Variants in LCT observed in about 807,000 individuals in gnomAD.
LCT encodes lactase.
LCT carries 90 observed loss-of-function variants against 173.0 expected under a neutral mutation model. That is an observed-to-expected ratio of 0.52 (90% confidence interval 0.44 to 0.62). The LOEUF is 0.62. Ranked by LOEUF, LCT falls within the 20% of genes least tolerant of loss-of-function variation. The pLI, the probability that LCT is intolerant of heterozygous loss-of-function variation, is 0.00. For missense variants in LCT, 1,864 were observed against 2,431.4 expected, an observed-to-expected ratio of 0.77 and a Z score of 4.91; for synonymous variants, 853 against 957.6, an observed-to-expected ratio of 0.89 and a Z score of 2.02.
chr2:135,811,418 T>A (rs541174873), intron 7 of LCT, among the ~76,000 whole-genome samples: 2 of 152,198 alleles, frequency 1.3e-5, no homozygotes, highest in African/African-American at 4.8e-5. Flanking sequence ...TGAGATGAAA[T>A]CTATTTGCCA....
rs1223129416 is a variant in LCT, at chr2:135,804,904, C to G, written c.4327G>C (p.Gly1443Arg). ...AEDLVTLQNL[G>R]VSHYRFSISW... ...ATGGAAAAACGGTAGTGGGACACGC[C>G]CAGGTTCTGCAGGGTGACCAGATCC... The change falls in exon 10 of 17, where the codon GGC (glycine) becomes CGC (arginine). Residue 1443 changes from glycine to arginine, a missense_variant. Around this residue, in one of 4 missense-constraint regions of LCT, gnomAD observed 514 missense variants for 750.1 expected, o/e 0.69. Coordinates refer to ENST00000264162, the MANE Select transcript of LCT (RefSeq NM_002299.4). 1.2e-6 allele frequency: 2 copies of G among 1,614,026 alleles called. No homozygotes were observed. Among genetic ancestry groups the G allele is most frequent in the Non-Finnish European group, 1.7e-6 (2 of 1,180,034 alleles).
chr2:135,793,785 T>C (rs1294174315), intron 14 of LCT, among the ~76,000 whole-genome samples: 1 of 151,736 alleles, frequency 6.6e-6, no homozygotes, highest in Non-Finnish European at 1.5e-5. Context: ...AAAAAGACAA[T>C]CGGCTGGGCG....
At position 135,808,543 on chromosome 2, in the gene LCT, G is replaced by A. The variant is rs748206266; in HGVS notation, c.3804C>T (p.Pro1268=). The A allele has an allele frequency of 1.2e-6, 2 of 1,614,090 alleles. No homozygotes were observed. Among genetic ancestry groups the A allele is most frequent in the Admixed American group, 1.7e-5 (1 of 60,002 alleles). The change falls in exon 8 of 17, where the codon CCC becomes CCT. Residue 1268 remains proline (P), a synonymous_variant. Coordinates refer to ENST00000264162, the MANE Select transcript of LCT (RefSeq NM_002299.4). ...NWIKEEYGDI[P]IYITENGVGL... is the part of the protein sequence containing the mutation. ...CCACTCCGTTTTCGGTGATGTAAAT[G>A]GGGATGTCACCATACTCTTCCTTGA...
At position 135,837,018 on chromosome 2, in the gene LCT, C is replaced by T; in HGVS notation, c.152G>A (p.Ser51Asn). ...TTTGTCCCCTGCTACAAAGTTAGAA[C>T]TCTGGTCTCCCAGGAGACCACTCAG... ...HNLSGLLGDQ[S>N]SNFVAGDKDM... Residue 51 changes from serine (S) to asparagine (N), a missense_variant, in exon 1 of 17, where the codon AGT becomes AAT. This residue lies in a region of LCT where 412 missense variants were observed against 462.0 expected (regional missense o/e 0.89). Coordinates refer to ENST00000264162, the MANE Select transcript of LCT (RefSeq NM_002299.4). 6.2e-7 allele frequency: 1 copy of T among 1,614,092 alleles called. No homozygotes were observed. Among genetic ancestry groups the T allele is most frequent in the Non-Finnish European group, 8.5e-7 (1 of 1,180,008 alleles).
In LCT at chr2:135,812,496, G is replaced by A; in HGVS notation, c.2168C>T (p.Ser723Phe). The A allele has an allele frequency of 6.2e-7, 1 of 1,614,240 alleles. No homozygotes were observed. Among genetic ancestry groups the A allele is most frequent in the Non-Finnish European group, 8.5e-7 (1 of 1,180,038 alleles). Residue 723 changes from serine (S) to phenylalanine (F), a missense_variant, in exon 7 of 17, where the codon TCT (serine) becomes TTT (phenylalanine). Ser to Phe is a radical substitution (Grantham distance 155). Coordinates refer to ENST00000264162, the MANE Select transcript of LCT (RefSeq NM_002299.4). ...CCCCCAGGGCACCACACGAATCCAA[G>A]AGGATGAGGTCTGGGGCCACACATG... ...VNHVWPQTSS[S>F]WIRVVPWGIR...
In LCT at chr2:135,812,390, G is replaced by T; in HGVS notation, c.2274C>A (p.Pro758=). 2 of 1,613,710 alleles carry T rather than the reference G, an allele frequency of 1.2e-6. No individual in the cohort carries two copies. Among genetic ancestry groups the T allele is most frequent in the African/African-American group, 1.3e-5 (1 of 75,022 alleles). ...CAAAGAGATTTTCACTTTCCCCTAT[G>T]GGCATGCCATTCCCGGCAAGGTATA... ...VPIYLAGNGM[P]IGESENLFDD... is the part of the protein sequence containing the mutation. The change falls in exon 7 of 17, where the codon CCC becomes CCA. Residue 758 remains proline (P), a synonymous_variant. Coordinates refer to ENST00000264162, the MANE Select transcript of LCT (RefSeq NM_002299.4).
intron 11 of LCT, among the ~76,000 whole-genome samples, chr2:135,802,246 T>G (rs1575335200): frequency 6.6e-6 from 1 of 152,192 alleles, no homozygotes; most frequent in Admixed American, 6.5e-5. Flanking sequence ...GAACACAAAT[T>G]TATTCTTATT....
rs751169711 is a variant in LCT at position 135,812,477 on chromosome 2, G to C, written c.2187C>G (p.Pro729=). ...QTSSSWIRVV[P]WGIRRLLQFV... ...ACTGCAACAGCCTCCTTATCCCCCA[G>C]GGCACCACACGAATCCAAGAGGATG... Residue 729 remains proline, a synonymous_variant, in exon 7 of 17, where the codon CCC becomes CCG. Coordinates refer to ENST00000264162, the MANE Select transcript of LCT (RefSeq NM_002299.4). The C allele has an allele frequency of 6.2e-6, 10 of 1,614,216 alleles. No individual in the cohort carries two copies. In the East Asian group the frequency reaches 2.2e-4, roughly 36 times the overall value.
intron 14 of LCT, 114 bp downstream of exon 14, chr2:135,794,527 A>G (rs1011809931): frequency 8.9e-7 from 1 of 1,127,136 alleles, no homozygotes; most frequent in Non-Finnish European, 1.3e-6. Flanking sequence ...AAACCCCGGC[A>G]CATTCGGCGT....
intron 13 of LCT, 37 bp from the exon 14 acceptor site, chr2:135,794,812 G>A: frequency 1.2e-6 from 2 of 1,613,510 alleles, no homozygotes; most frequent in Non-Finnish European, 1.7e-6. Context: ...GGGCTTCAGG[G>A]AGAGCCATGC....
At chr2:135,823,697 C>T (rs1269758921) in intron 4 of LCT, among the ~76,000 whole-genome samples, 1 of 152,182 alleles carries the variant, frequency 6.6e-6, no homozygotes, top group Non-Finnish European at 1.5e-5. Context: ...TCGAACCTCT[C>T]CTCTTTCTTG....
At chr2:135,797,667 A>T (rs192601955) in intron 13 of LCT, among the ~76,000 whole-genome samples, 8 of 152,254 alleles carry the variant, frequency 5.3e-5, no homozygotes, top group Non-Finnish European at 1.0e-4. Flanking sequence ...GACCATCGCC[A>T]CCTGCTGGCC....
chr2:135,824,676 CT>C (rs1315916006), intron 3 of LCT, among the ~76,000 whole-genome samples: 2 of 152,146 alleles, frequency 1.3e-5, no homozygotes, highest in Non-Finnish European at 2.9e-5. Flanking sequence ...ATTCTTTTTA[CT>C]TTTGGATGTT....
Position 135,837,172 on chromosome 2 carries a change from T to A in LCT, c.-3A>T, listed in dbSNP as rs758676095. Reference sequence around the variant, plus strand: ...ACTACATGCCAAGACAGCTCCATTTTCTAGGAACTGTTAGGAGGTATGTGG... The same window carrying A: ...ACTACATGCCAAGACAGCTCCATTTACTAGGAACTGTTAGGAGGTATGTGG... On this transcript the variant is annotated 5_prime_UTR_variant, in exon 1 of 17. Transcript: ENST00000264162. 6.2e-7 allele frequency: 1 copy of A among 1,611,996 alleles called. No homozygotes were observed. The highest frequency in any genetic ancestry group is 1.1e-5 in the South Asian group (1 of 91,084).
chr2:135,821,026 G>A (rs1057364290), intron 5 of LCT, among the ~76,000 whole-genome samples: 1 of 151,822 alleles, frequency 6.6e-6, no homozygotes, highest in Admixed American at 6.6e-5. Context: ...GAATACAGGC[G>A]CCCGCCACCA....
rs549874296 is a variant in LCT at position 135,809,878 on chromosome 2, G to A, written c.2469C>T (p.Ser823=). 21 of 1,614,138 alleles carry A rather than the reference G, an allele frequency of 1.3e-5. No homozygotes were observed. The highest frequency in any genetic ancestry group is 8.3e-5 in the Admixed American group (5 of 60,026). Residue 823 remains serine (S), a synonymous_variant, in exon 8 of 17, where the codon AGC becomes AGT. Coordinates refer to ENST00000264162, the MANE Select transcript of LCT (RefSeq NM_002299.4). This position sits in a 1 kb window ranked among gnomAD's most constrained non-coding sequence, Gnocchi z 5.5. ...QRFGLHHVNF[S]DSSKSRTPRK... is the part of the protein sequence containing the mutation. ...TGGGAGTCCTTGACTTGCTGCTGTC[G>A]CTGAAGTTGACGTGGTGCAGGCCAA...
intron 3 of LCT, among the ~76,000 whole-genome samples, chr2:135,826,824 A>G (rs1269261153): frequency 6.6e-6 from 1 of 152,224 alleles, no homozygotes; most frequent in Non-Finnish European, 1.5e-5. Flanking sequence ...CGTAAGGCCC[A>G]GAAACCTTGT....
At chr2:135,827,234 C>T (rs1004634552) in intron 3 of LCT, among the ~76,000 whole-genome samples, 10 of 152,292 alleles carry the variant, frequency 6.6e-5, no homozygotes, top group African/African-American at 2.4e-4. Context: ...CTGCCTCAAC[C>T]TCCCAAAGTG....
Position 135,837,086 on chromosome 2 carries a change from G to C in LCT, c.84C>G (p.Phe28Leu), listed in dbSNP as rs1198948606. The change falls in exon 1 of 17, where the codon TTC becomes TTG. Residue 28 changes from phenylalanine to leucine, a missense_variant. Transcript: ENST00000264162. Reference protein sequence around the residue: ...WGSDWESDRNFISTAGPLTND... With the variant: ...WGSDWESDRNLISTAGPLTND... ...TGGTTAGAGGACCAGCGGTGGAAATGAAATTTCTATCAGACTCCCAGTCTG... is the reference window on the plus strand; with the variant it reads ...TGGTTAGAGGACCAGCGGTGGAAATCAAATTTCTATCAGACTCCCAGTCTG... 1 of 1,613,934 alleles carries C rather than the reference G, an allele frequency of 6.2e-7. No individual in the cohort carries two copies. The highest frequency in any genetic ancestry group is 8.5e-7 in the Non-Finnish European group (1 of 1,179,998).
Sources: gnomAD v4.1 joint callset for allele counts (sites outside exome capture counted in the v4.1 genomes callset) on GRCh38, gnomAD v4.1.1 for gene constraint, gnomAD v4.1.1 regional missense constraint, Gnocchi (gnomAD v3.1) non-coding constraint, MANE v1.5 for transcripts, NCBI Gene and HGNC (gene_info 2026-07-23, HGNC 2026-07-21) for gene names.